Variants in KRABD5 observed in about 807,000 individuals in gnomAD.
The protein encoded by KRABD5 is KRAB domain-containing protein 5.
At chr16:31,739,482 CTT>C in the KRABD5 span, among the ~76,000 whole-genome samples, 1 of 151,598 alleles carries the variant, frequency 6.6e-6, no homozygotes, top group African/African-American at 2.4e-5. Flanking sequence ...TCTAAATTCT[CTT>C]TGTTCGTAAC....
the KRABD5 span, among the ~76,000 whole-genome samples, chr16:31,722,108 C>T: frequency 1.3e-5 from 2 of 152,050 alleles, no homozygotes; most frequent in South Asian, 2.1e-4. Flanking sequence ...GAATTTCGCT[C>T]TTGTTGCTCA....
the KRABD5 span, among the ~76,000 whole-genome samples, chr16:31,727,660 A>T: frequency 3.1e-3 from 479 of 152,148 alleles, 5 homozygotes; most frequent in African/African-American, 0.011. Context: ...ATTTTTTTAT[A>T]ACTGCTTCAA....
chr16:31,750,605 GT>G, the KRABD5 span, among the ~76,000 whole-genome samples: 2 of 152,006 alleles, frequency 1.3e-5, no homozygotes, highest in African/African-American at 2.4e-5. Flanking sequence ...TCTCATTCTT[GT>G]TTTTAAGGGG....
At chr16:31,746,910 C>T in the KRABD5 span, among the ~76,000 whole-genome samples, 1 of 151,724 alleles carries the variant, frequency 6.6e-6, no homozygotes, top group Non-Finnish European at 1.5e-5. Context: ...GTTCGTTTGG[C>T]CATTGATACT....
chr16:31,761,151 A>G, the KRABD5 span: 1 of 152,150 alleles, frequency 6.6e-6, no homozygotes, highest in Non-Finnish European at 1.5e-5. Flanking sequence ...GATTGCAGTA[A>G]TGGGAACAAT....
At chr16:31,754,063 A>T in the KRABD5 span, 3 of 869,224 alleles carry the variant, frequency 3.5e-6, no homozygotes, top group East Asian at 7.9e-5. Flanking sequence ...AAGTGTCAAC[A>T]TCAATTTTTG....
chr16:31,723,547 C>G, the KRABD5 span, among the ~76,000 whole-genome samples: 1 of 152,200 alleles, frequency 6.6e-6, no homozygotes, highest in Non-Finnish European at 1.5e-5. Flanking sequence ...TGATTATTCT[C>G]CTTACCCTTC....
chr16:31,744,760 T>G, the KRABD5 span, among the ~76,000 whole-genome samples: 1 of 152,320 alleles, frequency 6.6e-6, no homozygotes, highest in South Asian at 2.1e-4. Flanking sequence ...TCCTGGGCAT[T>G]TTTTGGTTGG....
At chr16:31,749,970 T>C in the KRABD5 span, among the ~76,000 whole-genome samples, 1 of 152,250 alleles carries the variant, frequency 6.6e-6, no homozygotes, top group Non-Finnish European at 1.5e-5. Context: ...AGTTGGATAA[T>C]GTGAAGCCTT....
chr16:31,727,146 A>G, the KRABD5 span, among the ~76,000 whole-genome samples: 3 of 152,356 alleles, frequency 2.0e-5, no homozygotes, highest in Non-Finnish European at 2.9e-5. Flanking sequence ...CCTCAGCTTT[A>G]CTGAATGAGT....
chr16:31,753,009 G>A, the KRABD5 span, among the ~76,000 whole-genome samples: 9 of 152,080 alleles, frequency 5.9e-5, no homozygotes, highest in East Asian at 1.7e-3. Context: ...CATGTGTTTT[G>A]GTTACTTTGA....
At chr16:31,715,456 C>T in the KRABD5 span, among the ~76,000 whole-genome samples, 1 of 152,124 alleles carries the variant, frequency 6.6e-6, no homozygotes, top group Non-Finnish European at 1.5e-5. Flanking sequence ...CTTTTCCCCA[C>T]TCCTTTCTCT....
chr16:31,742,617 A>G, the KRABD5 span, among the ~76,000 whole-genome samples: 978 of 152,242 alleles, frequency 6.4e-3, 9 homozygotes, highest in African/African-American at 0.023. Context: ...TTCTGCAGCA[A>G]ACATACGTGT....
At chr16:31,713,844 T>A in the KRABD5 span, among the ~76,000 whole-genome samples, 3 of 152,152 alleles carry the variant, frequency 2.0e-5, no homozygotes, top group South Asian at 6.2e-4. Flanking sequence ...AAGGGTTGAT[T>A]TAGGTAAACA....
the KRABD5 span, chr16:31,755,174 C>A: frequency 2.1e-6 from 1 of 478,832 alleles, no homozygotes; most frequent in South Asian, 1.5e-5. Flanking sequence ...TAGGTCGTAC[C>A]TAACTAAACA....
chr16:31,713,516 C>CGG, the KRABD5 span: 5 of 1,527,984 alleles, frequency 3.3e-6, no homozygotes, highest in South Asian at 6.0e-5. Context: ...AGGTTAGCTT[C>CGG]GGGGTCTGGG....
chr16:31,718,811 G>A, the KRABD5 span, among the ~76,000 whole-genome samples: 5 of 152,156 alleles, frequency 3.3e-5, no homozygotes, highest in Admixed American at 6.5e-5. Context: ...AGGATCACCA[G>A]GAACTCCCTC....
chr16:31,761,555 T>C, the KRABD5 span: 1 of 152,162 alleles, frequency 6.6e-6, no homozygotes, highest in African/African-American at 2.4e-5. Context: ...AAAATAAACA[T>C]TGATTTTCTA....
chr16:31,721,840 T>C, the KRABD5 span, among the ~76,000 whole-genome samples: 1 of 152,218 alleles, frequency 6.6e-6, no homozygotes, highest in African/African-American at 2.4e-5. Context: ...CTGGTAAGCT[T>C]GTTAAAAATG....
Sources: gnomAD v4.1 joint callset for allele counts (sites outside exome capture counted in the v4.1 genomes callset) on GRCh38, gnomAD v4.1.1 for gene constraint, MANE v1.5 for transcripts, NCBI Gene and HGNC (gene_info 2026-07-23, HGNC 2026-07-21) for gene names.